SV2C: variants seen among roughly 807,000 people sequenced by gnomAD.
The protein encoded by SV2C is synaptic vesicle glycoprotein 2C.
In SV2C, 49 loss-of-function variants were observed where a neutral mutation model predicts 79.7. The observed-to-expected ratio is 0.61, with a 90% CI of 0.49 to 0.78. The LOEUF (loss-of-function observed/expected upper bound fraction) is 0.78, where lower values mean the gene tolerates loss of function less well. Among genes scored for constraint, SV2C ranks in the 30% least tolerant of loss-of-function variants. The pLI is 0.00. For synonymous variants in SV2C, 334 were observed against 333.2 expected (o/e 1.00, Z -0.03); for missense variants, 833 against 912.9 (o/e 0.91, Z 1.13).
the SV2C span, among the ~76,000 whole-genome samples, chr5:76,043,636 A>G: frequency 6.6e-6 from 1 of 152,206 alleles, no homozygotes; most frequent in Non-Finnish European, 1.5e-5. Flanking sequence ...GTGAAATAGC[A>G]TTAGCTTTAT....
intron 4 of SV2C, among the ~76,000 whole-genome samples, chr5:76,249,149 G>A (rs1746035473): frequency 6.6e-6 from 1 of 152,168 alleles, no homozygotes; most frequent in Non-Finnish European, 1.5e-5. Context: ...GACTTGGATA[G>A]TCTCTCTTTG....
At chr5:76,337,618 T>C (rs1041830632), downstream of SV2C, among the ~76,000 whole-genome samples, 13 of 152,266 alleles carry the variant, frequency 8.5e-5, no homozygotes, top group Admixed American at 8.5e-4. Flanking sequence ...GCAGGTAGCA[T>C]GGGCTGTGTG....
chr5:76,281,980 G>C (rs1747212767), intron 4 of SV2C, among the ~76,000 whole-genome samples: 1 of 152,204 alleles, frequency 6.6e-6, no homozygotes, highest in African/African-American at 2.4e-5. Flanking sequence ...TTAGGGGTGA[G>C]GGAATATTCT....
At chr5:76,075,054 A>G in the SV2C span, among the ~76,000 whole-genome samples, 1 of 152,342 alleles carries the variant, frequency 6.6e-6, no homozygotes, top group African/African-American at 2.4e-5. Context: ...GAAATGTATT[A>G]CTACACAACA....
the SV2C span, among the ~76,000 whole-genome samples, chr5:75,876,623 G>A: frequency 6.6e-6 from 1 of 151,946 alleles, no homozygotes; most frequent in Non-Finnish European, 1.5e-5. Flanking sequence ...ATAACAACGG[G>A]GTATAGTTGG....
the SV2C span, among the ~76,000 whole-genome samples, chr5:76,002,489 T>A: frequency 6.6e-6 from 1 of 152,238 alleles, no homozygotes; most frequent in African/African-American, 2.4e-5. Flanking sequence ...TAAAATTGAT[T>A]GTGTTGATGG....
chr5:76,326,917 T>A lies in SV2C; in HGVS notation c.*1370T>A, dbSNP rs1236877116. 6.6e-6 allele frequency: 1 copy of A among 152,212 alleles called. No individual in the cohort carries two copies. The highest frequency in any genetic ancestry group is 1.5e-5 in the Non-Finnish European group (1 of 68,058). The allele number at this position is 152,212 out of a possible 1,614,324, so 9.4% of individuals were successfully genotyped here. On this transcript the variant is annotated 3_prime_UTR_variant, in exon 13 of 13. Coordinates refer to ENST00000502798, the MANE Select transcript of SV2C (RefSeq NM_014979.4). Reference sequence around the variant, plus strand: ...TCCTTTTTACACCTCTTCTTTGAAATCTGAACCTTCCTTGTAGACTTGCAG... The same window carrying A: ...TCCTTTTTACACCTCTTCTTTGAAAACTGAACCTTCCTTGTAGACTTGCAG...
intron 2 of SV2C, among the ~76,000 whole-genome samples, chr5:76,161,936 C>T (rs1304336635): frequency 6.6e-6 from 1 of 152,082 alleles, no homozygotes; most frequent in African/African-American, 2.4e-5. Context: ...GTGGTGGGAC[C>T]TTATCACCTA....
intron 2 of SV2C, among the ~76,000 whole-genome samples, chr5:76,171,946 G>A: frequency 8.0e-6 from 1 of 125,046 alleles, no homozygotes; most frequent in Non-Finnish European, 1.8e-5. Context: ...AGGGGGGTCA[G>A]CCCCCCGCCT....
the SV2C span, among the ~76,000 whole-genome samples, chr5:76,018,215 T>C: frequency 6.6e-6 from 1 of 152,202 alleles, no homozygotes; most frequent in African/African-American, 2.4e-5. Flanking sequence ...AAATTAGTAA[T>C]GGTGGACACT....
chr5:76,138,246 A>C (rs201166344), intron 2 of SV2C, among the ~76,000 whole-genome samples: 1 of 152,222 alleles, frequency 6.6e-6, no homozygotes, highest in East Asian at 1.9e-4. Context: ...TAGCTGAGGC[A>C]GACTCTGGAA....
the SV2C span, among the ~76,000 whole-genome samples, chr5:76,054,804 G>C: frequency 6.6e-6 from 1 of 152,058 alleles, no homozygotes; most frequent in East Asian, 1.9e-4. Flanking sequence ...TTTGACAAGT[G>C]TCTGTTCATA....
the SV2C span, among the ~76,000 whole-genome samples, chr5:75,982,830 A>T: frequency 6.6e-6 from 1 of 152,262 alleles, no homozygotes; most frequent in East Asian, 1.9e-4. Flanking sequence ...GGATGGTGCT[A>T]GAGACCACTA....
At chr5:76,312,452 C>T (rs986958081) in intron 12 of SV2C, among the ~76,000 whole-genome samples, 4 of 152,130 alleles carry the variant, frequency 2.6e-5, no homozygotes, top group African/African-American at 4.8e-5. Context: ...GGGGTTTCAC[C>T]GTGTTGGCCA....
intron 4 of SV2C, among the ~76,000 whole-genome samples, chr5:76,273,542 TG>T (rs1417480098): frequency 2.0e-5 from 3 of 152,174 alleles, no homozygotes; most frequent in African/African-American, 7.2e-5. Flanking sequence ...CACCAGAAAA[TG>T]TGCTTCTTCG....
At chr5:76,174,707 G>A (rs191366388) in intron 2 of SV2C, among the ~76,000 whole-genome samples, 1 of 152,178 alleles carries the variant, frequency 6.6e-6, no homozygotes, top group Non-Finnish European at 1.5e-5. Context: ...TAGCTTGTAC[G>A]CTGCACGAAA....
chr5:76,285,828 C>T lies in SV2C; in HGVS notation c.1095C>T (p.Asp365=), dbSNP rs139667700. Residue 365 remains aspartate (D), a synonymous_variant, in exon 6 of 13, where the codon GAC becomes GAT. Coordinates refer to ENST00000502798, the MANE Select transcript of SV2C (RefSeq NM_014979.4). ...EAWMILKLIH[D]TNMRARGQPE... is the part of the protein sequence containing the mutation. ...GGATGATTCTGAAGTTAATTCATGA[C>T]ACCAACATGAGAGCCCGGGGTCAGC... 2,381 of 1,614,072 alleles carry T rather than the reference C, an allele frequency of 1.5e-3. 47 individuals are homozygous for T. In the Admixed American group the frequency reaches 0.028, roughly 19 times the overall value.
chr5:76,291,812 T>G lies in SV2C; in HGVS notation c.1293T>G (p.Asp431Glu). ...GATGTTTCAACTACCCAGTCAGGGA[T>G]AATACAATAAAGCTTACAATTGTTT... ...FMRCFNYPVR[D>E]NTIKLTIVWF... is the part of the protein sequence containing the mutation. Residue 431 changes from aspartate (D) to glutamate (E), a missense_variant, in exon 8 of 13, where the codon GAT (aspartate) becomes GAG (glutamate). By Grantham distance (45) the Asp-to-Glu change is conservative (BLOSUM62 2). Transcript: ENST00000502798. 1 of 1,611,026 alleles carries G rather than the reference T, an allele frequency of 6.2e-7. No individual in the cohort carries two copies. Among genetic ancestry groups the G allele is most frequent in the Non-Finnish European group, 8.5e-7 (1 of 1,178,264 alleles).
At chr5:75,851,451 T>G in the SV2C span, among the ~76,000 whole-genome samples, 1 of 152,222 alleles carries the variant, frequency 6.6e-6, no homozygotes, top group Non-Finnish European at 1.5e-5. Context: ...GGCTAGGATG[T>G]GAAAAGATGT....
Sources: allele counts gnomAD v4.1 joint callset (sites outside exome capture counted in the v4.1 genomes callset), GRCh38; gene constraint gnomAD v4.1.1; transcripts MANE v1.5; gene names NCBI Gene and HGNC (gene_info 2026-07-23, HGNC 2026-07-21).